Variants in PCLO observed in about 807,000 individuals in gnomAD.
PCLO encodes the protein protein piccolo.
Under a neutral mutation model 427.5 loss-of-function variants are expected in PCLO, and 82 were observed. The ratio of observed to expected loss-of-function variants is 0.19; its 90% CI spans 0.16 to 0.23. The LOEUF is 0.23. Among genes scored for constraint, PCLO ranks in the 10% least tolerant of loss-of-function variants. The pLI is 1.00. For synonymous variants in PCLO, 2,357 were observed against 2,155.4 expected (o/e 1.09, Z -2.59); for missense variants, 6,239 against 6,115.9 (o/e 1.02, Z -0.67).
At position 82,758,655 on chromosome 7, in the gene PCLO, T is replaced by C. The variant is rs768775759; in HGVS notation, c.15349A>G (p.Ile5117Val). ...CTGAGATCCACTTTGTCAAGCCAGA[T>C]ACAGGCTTCACCAATCAAGGTCTTT... ...MKKTLIGEAC[I>V]WLDKVDLRKR... is the part of the protein sequence containing the mutation. Residue 5117 changes from isoleucine (I) to valine (V), a missense_variant, in exon 25 of 25, where the codon ATC becomes GTC. Physicochemically the swap from Ile to Val is conservative, Grantham distance 29. Coordinates refer to ENST00000333891, the MANE Select transcript of PCLO (RefSeq NM_033026.6). 6.2e-7 allele frequency: 1 copy of C among 1,610,004 alleles called. No homozygotes were observed. The highest frequency in any genetic ancestry group is 1.1e-5 in the South Asian group (1 of 90,996).
intron 3 of PCLO, among the ~76,000 whole-genome samples, chr7:83,038,203 CATATAT>C (rs1788880354): frequency 6.9e-6 from 1 of 144,684 alleles, no homozygotes; most frequent in Admixed American, 7.3e-5. Flanking sequence ...CATACACACA[CATATAT>C]GTGTTTAATA....
chr7:82,907,847 T>C (rs573469148), intron 8 of PCLO, among the ~76,000 whole-genome samples: 146 of 152,116 alleles, frequency 9.6e-4, no homozygotes, highest in African/African-American at 3.2e-3. Flanking sequence ...AAAACTTAAA[T>C]TGCTTAGAAA....
intron 3 of PCLO, among the ~76,000 whole-genome samples, chr7:83,036,656 C>T (rs1788804144): frequency 6.6e-6 from 1 of 152,046 alleles, no homozygotes. Flanking sequence ...GTACATAGCC[C>T]TATTTGTCAC....
intron 22 of PCLO, among the ~76,000 whole-genome samples, chr7:82,781,153 T>C: frequency 6.6e-6 from 1 of 151,760 alleles, no homozygotes; most frequent in Non-Finnish European, 1.5e-5. Flanking sequence ...AAATTTTTCA[T>C]TTACCCAAAT....
chr7:82,756,097 A>C lies in PCLO; in HGVS notation c.*2478T>G, dbSNP rs892128695. ...TGATCCCTCCATTTATATTATTCTA[A>C]AAGAAATTGCAACTGGAATGAAGAA... On this transcript the variant is annotated 3_prime_UTR_variant, in exon 25 of 25. Coordinates refer to ENST00000333891, the MANE Select transcript of PCLO (RefSeq NM_033026.6). 2 of 152,102 alleles carry C rather than the reference A, an allele frequency of 1.3e-5. No individual in the cohort carries two copies. Among genetic ancestry groups the C allele is most frequent in the African/African-American group, 4.8e-5 (2 of 41,426 alleles). The allele number at this position is 152,102 out of a possible 1,614,324, so 9.4% of individuals were successfully genotyped here.
chr7:83,059,380 A>ATATATATATATATATATATATATAT (rs33911766), intron 3 of PCLO, among the ~76,000 whole-genome samples: 4 of 83,488 alleles, frequency 4.8e-5, no homozygotes, highest in Admixed American at 1.3e-4. Flanking sequence ...ATATATATAT[A>ATATATATATATATATATATATATAT]AAAATGAAAA....
At chr7:83,099,769 A>C (rs1356592726) in intron 3 of PCLO, among the ~76,000 whole-genome samples, 1 of 152,194 alleles carries the variant, frequency 6.6e-6, no homozygotes, top group Non-Finnish European at 1.5e-5. Context: ...ATAAATTTTT[A>C]GATATAATCC....
intron 10 of PCLO, among the ~76,000 whole-genome samples, chr7:82,863,278 T>C (rs1419342653): frequency 6.6e-6 from 1 of 151,958 alleles, no homozygotes; most frequent in Non-Finnish European, 1.5e-5. Flanking sequence ...TAATTAGAAG[T>C]GTCAAAAGAT....
chr7:82,785,799 T>C (rs1389654595), intron 22 of PCLO, among the ~76,000 whole-genome samples: 3 of 152,058 alleles, frequency 2.0e-5, no homozygotes, highest in African/African-American at 7.2e-5. Context: ...GGAGCAAACT[T>C]AACAAGAGAA....
At chr7:83,076,841 T>C (rs1481458586) in intron 3 of PCLO, among the ~76,000 whole-genome samples, 2 of 151,878 alleles carry the variant, frequency 1.3e-5, no homozygotes, top group Non-Finnish European at 2.9e-5. Context: ...AGCTATCCAA[T>C]AATCAGCTCT....
At chr7:82,809,982 T>G (rs2115562812) in intron 20 of PCLO, among the ~76,000 whole-genome samples, 1 of 151,700 alleles carries the variant, frequency 6.6e-6, no homozygotes, top group South Asian at 2.1e-4. Flanking sequence ...TAATCACAAA[T>G]ATTACATATA....
At chr7:82,769,974 G>A (rs1790614856) in intron 22 of PCLO, among the ~76,000 whole-genome samples, 1 of 152,056 alleles carries the variant, frequency 6.6e-6, no homozygotes, top group African/African-American at 2.4e-5. Context: ...AAATAATTGT[G>A]TTGGTTTACT....
rs141156127 is a variant in PCLO, at chr7:82,820,308, T to C, written c.14791+2187A>G. ...TGGTGACAATTTTCCATCTATCTTATAGTGTTTCCAAGATGGAACTTTGTC... is the reference window on the plus strand; with the variant it reads ...TGGTGACAATTTTCCATCTATCTTACAGTGTTTCCAAGATGGAACTTTGTC... On this transcript the variant is annotated intron_variant, in intron 20 of 24. Coordinates refer to ENST00000333891, the MANE Select transcript of PCLO (RefSeq NM_033026.6). Among the ~76,000 whole-genome samples the C allele has an allele frequency of 1.7e-3, 266 of 152,330 alleles. 4 individuals are homozygous for C. Among genetic ancestry groups the C allele is most frequent in the African/African-American group, 6.1e-3 (255 of 41,586 alleles).
chr7:83,013,433 C>A (rs899866651), intron 3 of PCLO, among the ~76,000 whole-genome samples: 1 of 152,048 alleles, frequency 6.6e-6, no homozygotes. Flanking sequence ...GTGATAATGC[C>A]GTTTTCTTCA....
chr7:82,998,980 A>G (rs190194722), intron 3 of PCLO, among the ~76,000 whole-genome samples: 2 of 151,660 alleles, frequency 1.3e-5, no homozygotes, highest in East Asian at 3.9e-4. Context: ...ATAAATGAAA[A>G]TATTAAGAAA....
In PCLO at chr7:82,949,904, C is replaced by T; in HGVS notation, c.10684G>A (p.Gly3562Arg). ...TCTGTTTGACATCCTAAACTGCCCCCTTTGTAAGTCTTTTCAGGTGCTGAA... is the reference window on the plus strand; with the variant it reads ...TCTGTTTGACATCCTAAACTGCCCCTTTTGTAAGTCTTTTCAGGTGCTGAA... ...HISAPEKTYK[G>R]GSLGCQTEAD... Residue 3562 changes from glycine to arginine, a missense_variant, in exon 6 of 25, where the codon GGG becomes AGG. Physicochemically the swap from Gly to Arg is moderately radical, Grantham distance 125. Coordinates refer to ENST00000333891, the MANE Select transcript of PCLO (RefSeq NM_033026.6). 6.2e-7 allele frequency: 1 copy of T among 1,613,700 alleles called. No homozygotes were observed. Among genetic ancestry groups the T allele is most frequent in the Non-Finnish European group, 8.5e-7 (1 of 1,179,848 alleles).
At chr7:82,994,353 G>A (rs1335587432) in intron 3 of PCLO, among the ~76,000 whole-genome samples, 1 of 151,814 alleles carries the variant, frequency 6.6e-6, no homozygotes, top group Admixed American at 6.6e-5. Flanking sequence ...TTATGGAAAG[G>A]GAGGTGCAAC....
intron 3 of PCLO, among the ~76,000 whole-genome samples, chr7:83,094,987 A>G (rs1225991996): frequency 6.6e-6 from 1 of 152,168 alleles, no homozygotes; most frequent in Non-Finnish European, 1.5e-5. Context: ...CACAAATGAA[A>G]TTGGGAAATG....
intron 4 of PCLO, among the ~76,000 whole-genome samples, chr7:82,959,790 A>AC (rs1562885612): frequency 2.0e-5 from 3 of 151,868 alleles, no homozygotes; most frequent in Non-Finnish European, 2.9e-5. Flanking sequence ...TGCTGCAATG[A>AC]TTTTTTTTCC....
Sources: allele counts gnomAD v4.1 joint callset (sites outside exome capture counted in the v4.1 genomes callset), GRCh38; gene constraint gnomAD v4.1.1; transcripts MANE v1.5; gene names NCBI Gene and HGNC (gene_info 2026-07-23, HGNC 2026-07-21).